The following SLC6A11 variants were observed in gnomAD, a reference collection of about 807,000 sequenced individuals.
The protein encoded by SLC6A11 is solute carrier family 6 member 11.
A neutral mutation model predicts 74.8 loss-of-function variants in SLC6A11; 25 were observed. The observed-to-expected ratio is 0.33, with a 90% CI of 0.24 to 0.47. The LOEUF is 0.47. SLC6A11 is among the 20% of genes least tolerant of loss of function. The pLI, the probability that SLC6A11 is intolerant of heterozygous loss-of-function variation, is 1.00. For synonymous variants in SLC6A11, 330 were observed against 330.2 expected (o/e 1.00, Z 0.01); for missense variants, 574 against 837.0 (o/e 0.69, Z 3.88).
chr3:10,901,190 A>T (rs1695235682), intron 6 of SLC6A11, among the ~76,000 whole-genome samples: 1 of 152,206 alleles, frequency 6.6e-6, no homozygotes, highest in Non-Finnish European at 1.5e-5. Flanking sequence ...GCTCAGGCTT[A>T]TCCTTCTCTG....
At chr3:10,920,260 A>G (rs1695518766) in intron 8 of SLC6A11, among the ~76,000 whole-genome samples, 1 of 152,254 alleles carries the variant, frequency 6.6e-6, no homozygotes, top group African/African-American at 2.4e-5. Context: ...TTTCTTATTC[A>G]AATTGAAAGA....
At chr3:10,854,318 G>A (rs557368230) in intron 5 of SLC6A11, among the ~76,000 whole-genome samples, 2 of 152,230 alleles carry the variant, frequency 1.3e-5, no homozygotes, top group South Asian at 4.2e-4. Context: ...GAACCTAGGA[G>A]GCAGAGGTTG....
intron 6 of SLC6A11, among the ~76,000 whole-genome samples, chr3:10,891,289 A>C (rs1695104973): frequency 6.6e-6 from 1 of 152,232 alleles, no homozygotes; most frequent in Non-Finnish European, 1.5e-5. Context: ...AAAATATTTC[A>C]TAATTATCTG....
intron 5 of SLC6A11, among the ~76,000 whole-genome samples, chr3:10,850,524 A>T (rs549709982): frequency 5.3e-5 from 8 of 151,266 alleles, no homozygotes; most frequent in African/African-American, 2.0e-4. Context: ...GGGCTGGGAG[A>T]GGGAAGCATT....
chr3:10,937,005 C>G (rs1459391319), intron 13 of SLC6A11, among the ~76,000 whole-genome samples: 1 of 152,102 alleles, frequency 6.6e-6, no homozygotes, highest in African/African-American at 2.4e-5. Context: ...GTCCTTGTGC[C>G]AGGTAGTCCA....
At chr3:10,930,986 G>A (rs111838466) in intron 10 of SLC6A11, among the ~76,000 whole-genome samples, 5 of 152,150 alleles carry the variant, frequency 3.3e-5, no homozygotes, top group African/African-American at 7.2e-5. Context: ...CAAATGGGCC[G>A]TGCCACCTTG....
rs1355306156 is a variant in SLC6A11 at position 10,918,821 on chromosome 3, C to T, written c.1120+368C>T. ...TTGTCACTTCCACTCCATGCTCTAC[C>T]CTGCAGAGGGATTTTTTTTTTTCAA... On this transcript the variant is annotated intron_variant, in intron 8 of 13. Transcript: ENST00000254488. This position sits in a 1 kb window ranked among gnomAD's most constrained non-coding sequence, Gnocchi z 4.5. 1.3e-5 allele frequency among the ~76,000 whole-genome samples: 2 copies of T among 152,054 alleles called. No individual in the cohort carries two copies. Among genetic ancestry groups the T allele is most frequent in the Non-Finnish European group, 2.9e-5 (2 of 68,016 alleles).
chr3:10,896,778 C>A (rs1422048094), intron 6 of SLC6A11, among the ~76,000 whole-genome samples: 2 of 152,100 alleles, frequency 1.3e-5, no homozygotes, highest in Non-Finnish European at 2.9e-5. Flanking sequence ...CTACAGGGTG[C>A]TCAGGAAATG....
At chr3:10,886,470 T>A (rs945066767) in intron 6 of SLC6A11, among the ~76,000 whole-genome samples, 1 of 152,172 alleles carries the variant, frequency 6.6e-6, no homozygotes, top group Admixed American at 6.5e-5. Context: ...ATCCTGCAGA[T>A]CTCAGCTCCA....
At chr3:10,881,751 C>G (rs1019934662) in intron 6 of SLC6A11, among the ~76,000 whole-genome samples, 4 of 152,144 alleles carry the variant, frequency 2.6e-5, no homozygotes, top group African/African-American at 9.7e-5. Context: ...TGGCACCTTC[C>G]CACCCCAGAG....
intron 4 of SLC6A11, among the ~76,000 whole-genome samples, chr3:10,827,412 T>C (rs1442865582): frequency 1.3e-5 from 2 of 152,240 alleles, no homozygotes; most frequent in Non-Finnish European, 2.9e-5. Flanking sequence ...TCTGGGGCTT[T>C]GACAGAGCAT....
intron 3 of SLC6A11, among the ~76,000 whole-genome samples, chr3:10,822,044 C>T (rs961769355): frequency 1.1e-4 from 17 of 152,204 alleles, no homozygotes. Flanking sequence ...TCTGGATTTT[C>T]CCCAGTGGAC....
At position 10,816,236 on chromosome 3, in the gene SLC6A11, G is replaced by C. The variant is rs1694053279; in HGVS notation, c.-30G>C. 8 of 1,285,198 alleles carry C rather than the reference G, an allele frequency of 6.2e-6. No homozygotes were observed. Among genetic ancestry groups the C allele is most frequent in the South Asian group, 2.7e-5 (1 of 36,764 alleles). The allele number at this position is 1,285,198 out of a possible 1,614,324, so 79.6% of individuals were successfully genotyped here. ...TCGCCCGGGGCGGCGGCGCAGAGCC[G>C]GGCCGGCGCACGAGGCAGCCAGCGC... On this transcript the variant is annotated 5_prime_UTR_variant, in exon 1 of 14. Coordinates refer to ENST00000254488, the MANE Select transcript of SLC6A11 (RefSeq NM_014229.3). This position sits in a 1 kb window ranked among gnomAD's most constrained non-coding sequence, Gnocchi z 4.2.
chr3:10,906,865 A>C (rs544976614), intron 6 of SLC6A11, among the ~76,000 whole-genome samples: 5 of 152,236 alleles, frequency 3.3e-5, no homozygotes, highest in Non-Finnish European at 7.3e-5. Context: ...CAATAAAAGA[A>C]TAAGGAAAGT....
intron 4 of SLC6A11, among the ~76,000 whole-genome samples, chr3:10,841,920 A>G (rs1222456623): frequency 6.6e-6 from 1 of 152,174 alleles, no homozygotes; most frequent in East Asian, 1.9e-4. Context: ...AAGCATCTGG[A>G]GTGGGCTGGT....
At position 10,918,947 on chromosome 3, in the gene SLC6A11, G is replaced by A. The variant is rs1695497054; in HGVS notation, c.1120+494G>A. On this transcript the variant is annotated intron_variant, in intron 8 of 13. Coordinates refer to ENST00000254488, the MANE Select transcript of SLC6A11 (RefSeq NM_014229.3). This position sits in a 1 kb window ranked among gnomAD's most constrained non-coding sequence, Gnocchi z 4.5. ...CAAAGCCCTGTGTTGCCCGGCTCCT[G>A]TGGCCCCACCAGCCTCACCACCTAC... 6.6e-6 allele frequency among the ~76,000 whole-genome samples: 1 copy of A among 151,898 alleles called. No individual in the cohort carries two copies. Among genetic ancestry groups the A allele is most frequent in the South Asian group, 2.1e-4 (1 of 4,800 alleles).
chr3:10,889,806 G>C (rs1484912139), intron 6 of SLC6A11, among the ~76,000 whole-genome samples: 1 of 152,200 alleles, frequency 6.6e-6, no homozygotes, highest in Non-Finnish European at 1.5e-5. Context: ...CTTGTGGTCA[G>C]AGGAAGCAGA....
At chr3:10,823,680 C>T (rs1482223774) in intron 4 of SLC6A11, 9 of 319,920 alleles carry the variant, frequency 2.8e-5, no homozygotes, top group Non-Finnish European at 4.7e-5. Flanking sequence ...TTTAAAAATT[C>T]ATTTTGAGCA....
chr3:10,867,575 G>A (rs1471415199), intron 5 of SLC6A11, among the ~76,000 whole-genome samples: 1 of 152,208 alleles, frequency 6.6e-6, no homozygotes, highest in African/African-American at 2.4e-5. Context: ...ATAGCTCCAA[G>A]GAGTCCTGGT....
Sources: allele counts gnomAD v4.1 joint callset (sites outside exome capture counted in the v4.1 genomes callset), GRCh38; gene constraint gnomAD v4.1.1; non-coding constraint Gnocchi (gnomAD v3.1); transcripts MANE v1.5; gene names NCBI Gene and HGNC (gene_info 2026-07-23, HGNC 2026-07-21).